The following C2CD3 variants were observed in gnomAD, a reference collection of about 807,000 sequenced individuals.
C2CD3 encodes the protein C2 domain containing 3 centriole elongation regulator, also known as C2 domain-containing protein 3.
C2CD3 carries 148 observed loss-of-function variants against 234.0 expected under a neutral mutation model. That is an observed-to-expected ratio of 0.63 (90% CI 0.55 to 0.72). The LOEUF (loss-of-function observed/expected upper bound fraction) is 0.72. C2CD3 is among the 30% of genes least tolerant of loss of function. C2CD3 has a pLI of 0.00. For synonymous variants in C2CD3, 1,000 were observed against 1,035.4 expected (o/e 0.97, Z 0.66); for missense variants, 2,577 against 2,811.5 (o/e 0.92, Z 1.89).
chr11:74,095,253 C>A lies in C2CD3; in HGVS notation c.3135G>T (p.Leu1045=), dbSNP rs372253529. The A allele has an allele frequency of 1.2e-6, 2 of 1,613,108 alleles. No homozygotes were observed. The highest frequency in any genetic ancestry group is 1.7e-6 in the Non-Finnish European group (2 of 1,179,496). ...CATTTTCAAGGAACTCAGGTCCTTT[C>A]AGCACACTGGATTGAGAGTGTTGAA... The part of the protein sequence containing the change: ...FPVQHSQSSV[L]KGPEFLENGI... Residue 1045 remains leucine, a synonymous_variant, in exon 17 of 33, where the codon CTG becomes CTT. Coordinates refer to ENST00000334126, the MANE Select transcript of C2CD3 (RefSeq NM_001286577.2).
At chr11:74,095,930 C>T (rs1168326817) in intron 16 of C2CD3, among the ~76,000 whole-genome samples, 1 of 152,172 alleles carries the variant, frequency 6.6e-6, no homozygotes, top group Non-Finnish European at 1.5e-5. Context: ...ACGATTCCAG[C>T]AGGACTCCTC....
intron 30 of C2CD3, 105 bp from the exon 31 acceptor site, chr11:74,034,383 G>GAACA: frequency 1.3e-6 from 2 of 1,487,142 alleles, no homozygotes; most frequent in Non-Finnish European, 1.8e-6. Flanking sequence ...ATCAGACTCT[G>GAACA]AACAAACCAT....
chr11:74,055,855 T>C (rs1432079363), intron 25 of C2CD3, among the ~76,000 whole-genome samples: 1 of 152,218 alleles, frequency 6.6e-6, no homozygotes, highest in Non-Finnish European at 1.5e-5. Flanking sequence ...TCTCCTCAAG[T>C]GTAAAGTGAA....
chr11:74,042,531 T>A (rs1953120090), intron 28 of C2CD3, among the ~76,000 whole-genome samples: 1 of 152,056 alleles, frequency 6.6e-6, no homozygotes, highest in Non-Finnish European at 1.5e-5. Flanking sequence ...GGTGGGTGGT[T>A]CACTTGAGGC....
rs777115211 is a variant in C2CD3 at position 74,074,477 on chromosome 11, C to T, written c.4727G>A (p.Cys1576Tyr). The change falls in exon 24 of 33, where the codon TGC becomes TAC. Residue 1576 changes from cysteine (C) to tyrosine (Y), a missense_variant. By Grantham distance (194) the Cys-to-Tyr change is radical. Transcript: ENST00000334126. ...EPTHELDSMD[C>Y]SSHSESEQLP... ...CTGCTCAGACTCACTGTGGCTGCTG[C>T]AGTCCATGGAGTCCAGCTCATGAGT... 5.0e-6 allele frequency: 8 copies of T among 1,614,042 alleles called. No homozygotes were observed. The highest frequency in any genetic ancestry group is 6.8e-6 in the Non-Finnish European group (8 of 1,180,014).
intron 29 of C2CD3, among the ~76,000 whole-genome samples, chr11:74,039,467 C>T (rs1952911724): frequency 6.6e-6 from 1 of 152,184 alleles, no homozygotes; most frequent in African/African-American, 2.4e-5. Flanking sequence ...AGCAGCATCA[C>T]CTGAGCTTGT....
At chr11:74,130,158 A>G in intron 7 of C2CD3, among the ~76,000 whole-genome samples, 2 of 119,648 alleles carry the variant, frequency 1.7e-5, no homozygotes, top group African/African-American at 3.4e-5. Flanking sequence ...GGGAGAGGGG[A>G]GAGGGGAGAG....
intron 29 of C2CD3, among the ~76,000 whole-genome samples, 199 bp downstream of exon 29, chr11:74,041,855 T>G (rs1953076864): frequency 6.6e-6 from 1 of 152,074 alleles, no homozygotes; most frequent in South Asian, 2.1e-4. Context: ...GAATGGAAGG[T>G]CCCAAGCTGA....
In C2CD3 at chr11:74,050,185, T is replaced by C. The variant is rs1036857276; in HGVS notation, c.5156-643A>G. Reference sequence around the variant, plus strand: ...TTTCTCAGGGCAGTATGTCTTGCAATTATGGAATTATGAGAGATTTGCATT... The same window carrying C: ...TTTCTCAGGGCAGTATGTCTTGCAACTATGGAATTATGAGAGATTTGCATT... On this transcript the variant is annotated intron_variant, in intron 26 of 32. Coordinates refer to ENST00000334126, the MANE Select transcript of C2CD3 (RefSeq NM_001286577.2). Among the ~76,000 whole-genome samples, 3 of 152,244 alleles carry C rather than the reference T, an allele frequency of 2.0e-5. No individual in the cohort carries two copies. The East Asian group carries it at 5.8e-4, about 29-fold the overall frequency.
chr11:74,084,759 G>T, intron 22 of C2CD3, 122 bp downstream of exon 22: 1 of 618,284 alleles, frequency 1.6e-6, no homozygotes, highest in Non-Finnish European at 2.9e-6. Context: ...GAGTTCAGAA[G>T]CATGTGTTAA....
At position 74,033,905 on chromosome 11, in the gene C2CD3, G is replaced by A; in HGVS notation, c.6255C>T (p.Ser2085=). The change falls in exon 31 of 33, where the codon AGC becomes AGT. Residue 2085 remains serine, a synonymous_variant. Coordinates refer to ENST00000334126, the MANE Select transcript of C2CD3 (RefSeq NM_001286577.2). ...TGTCTGATATGACACTAGACCAAGG[G>A]CTAGTTTTGTCTGTCACCGTGGTGA... The part of the protein sequence containing the change: ...NEITTVTDKT[S]PWSSVISDTS... 6.5e-7 allele frequency: 1 copy of A among 1,536,206 alleles called. No individual in the cohort carries two copies. The highest frequency in any genetic ancestry group is 8.7e-7 in the Non-Finnish European group (1 of 1,146,902).
chr11:74,101,466 C>A (rs1455633005), intron 14 of C2CD3, among the ~76,000 whole-genome samples: 1 of 152,138 alleles, frequency 6.6e-6, no homozygotes, highest in East Asian at 1.9e-4. Context: ...CAGAGCAGAG[C>A]TACTTTTGTA....
chr11:74,155,297 T>G (rs377359909), intron 3 of C2CD3, among the ~76,000 whole-genome samples: 1 of 152,188 alleles, frequency 6.6e-6, no homozygotes, highest in East Asian at 1.9e-4. Context: ...AATTGACATT[T>G]AAATATGAAC....
chr11:74,048,469 C>A, intron 27 of C2CD3, 131 bp from the exon 28 acceptor site: 1 of 830,950 alleles, frequency 1.2e-6, no homozygotes, highest in Non-Finnish European at 1.8e-6. Flanking sequence ...AAACACTGTG[C>A]TAAACAATTT....
chr11:74,024,553 T>C (rs1020170621), intron 32 of C2CD3, among the ~76,000 whole-genome samples: 3 of 152,270 alleles, frequency 2.0e-5, no homozygotes, highest in Non-Finnish European at 2.9e-5. Context: ...GGCCACAAGA[T>C]GATGGTGCTC....
At chr11:74,105,226 T>C (rs1956468418) in intron 13 of C2CD3, among the ~76,000 whole-genome samples, 1 of 152,044 alleles carries the variant, frequency 6.6e-6, no homozygotes, top group Non-Finnish European at 1.5e-5. Flanking sequence ...ACTTTATCCT[T>C]TGGGTGATTG....
chr11:74,048,150 T>C lies in C2CD3; in HGVS notation c.5495+55A>G. On this transcript the variant is annotated intron_variant, in intron 28 of 32. Coordinates refer to ENST00000334126, the MANE Select transcript of C2CD3 (RefSeq NM_001286577.2). ...GGAAAGAGAGAAATGATAAGCCAGT[T>C]CACACACTTCCATTTTTTAACCCCA... The C allele has an allele frequency of 1.9e-6, 3 of 1,573,468 alleles. No individual in the cohort carries two copies. In the South Asian group the frequency reaches 3.4e-5, roughly 18 times the overall value.
At chr11:74,084,566 A>T (rs187603830) in intron 22 of C2CD3, among the ~76,000 whole-genome samples, 26 of 152,240 alleles carry the variant, frequency 1.7e-4, no homozygotes, top group African/African-American at 6.3e-4. Flanking sequence ...GTGAGCCACC[A>T]TGCGTGGTCT....
intron 28 of C2CD3, among the ~76,000 whole-genome samples, chr11:74,044,925 A>T (rs1953288205): frequency 6.6e-6 from 1 of 151,134 alleles, no homozygotes; most frequent in Non-Finnish European, 1.5e-5. Context: ...AGAGTTTTTA[A>T]TTTTGATGAA....
Sources: allele counts gnomAD v4.1 joint callset (sites outside exome capture counted in the v4.1 genomes callset), GRCh38; gene constraint gnomAD v4.1.1; transcripts MANE v1.5; gene names NCBI Gene and HGNC (gene_info 2026-07-23, HGNC 2026-07-21).